Variants in SLC12A2 observed in about 807,000 individuals in gnomAD.
The protein encoded by SLC12A2 is solute carrier family 12 member 2.
Under a neutral mutation model 136.3 loss-of-function variants are expected in SLC12A2, and 67 were observed. The observed-to-expected ratio is 0.49, with a 90% confidence interval of 0.40 to 0.60. The LOEUF (loss-of-function observed/expected upper bound fraction) is 0.60. Ranked by LOEUF, SLC12A2 falls within the 20% of genes least tolerant of loss-of-function variation. The pLI, the probability that SLC12A2 is intolerant of heterozygous loss-of-function variation, is 0.00. For synonymous variants in SLC12A2, 619 were observed against 562.9 expected, an observed-to-expected ratio of 1.10 and a Z score of -1.41; for missense variants, 1,322 against 1,534.7, an observed-to-expected ratio of 0.86 and a Z score of 2.32.
At chr5:128,157,510 AGTG>A (rs1228757786) in intron 15 of SLC12A2, among the ~76,000 whole-genome samples, 2 of 152,174 alleles carry the variant, frequency 1.3e-5, no homozygotes, top group Non-Finnish European at 2.9e-5. Context: ...GATATCATGA[AGTG>A]GTAATAATTA....
intron 1 of SLC12A2, chr5:128,110,228 A>C: frequency 1.2e-6 from 1 of 806,196 alleles, no homozygotes; most frequent in South Asian, 1.3e-5. Context: ...AAAGAAATCC[A>C]ATTCAAACAT....
intron 20 of SLC12A2, 67 bp downstream of exon 20, chr5:128,174,733 T>C: frequency 8.3e-7 from 1 of 1,200,646 alleles, no homozygotes; most frequent in East Asian, 2.7e-5. Context: ...ATATTTTTAA[T>C]TATATAATAT....
chr5:128,094,111 A>G (rs552577581), intron 1 of SLC12A2, among the ~76,000 whole-genome samples: 18 of 151,574 alleles, frequency 1.2e-4, no homozygotes, highest in Admixed American at 9.2e-4. Flanking sequence ...TTTTCCCTTA[A>G]TGGCTTTAGT....
chr5:128,183,232 A>G (rs1763763387), intron 24 of SLC12A2, among the ~76,000 whole-genome samples: 2 of 152,050 alleles, frequency 1.3e-5, no homozygotes, highest in Non-Finnish European at 2.9e-5. Context: ...TCCCTGCTCT[A>G]CATACCTATT....
chr5:128,139,993 T>C (rs1216536911), intron 9 of SLC12A2, among the ~76,000 whole-genome samples: 7 of 151,990 alleles, frequency 4.6e-5, no homozygotes, highest in Non-Finnish European at 1.0e-4. Flanking sequence ...GCTTGTTTGT[T>C]TTTGTTTTTG....
chr5:128,162,352 G>A (rs1255146266), intron 17 of SLC12A2, among the ~76,000 whole-genome samples: 2 of 151,866 alleles, frequency 1.3e-5, no homozygotes, highest in Non-Finnish European at 2.9e-5. Context: ...TGACAAAGGT[G>A]CTATTGAAAG....
chr5:128,087,989 A>C (rs1022093332), intron 1 of SLC12A2, among the ~76,000 whole-genome samples: 1 of 119,888 alleles, frequency 8.3e-6, no homozygotes, highest in Non-Finnish European at 1.9e-5. Context: ...ACTTATTCCA[A>C]GAGTCGTGGA....
chr5:128,136,459 GT>G (rs1762196648), intron 7 of SLC12A2, among the ~76,000 whole-genome samples: 1 of 152,032 alleles, frequency 6.6e-6, no homozygotes, highest in African/African-American at 2.4e-5. Flanking sequence ...TTTCTTTGCA[GT>G]TAGTAAGTGA....
intron 17 of SLC12A2, among the ~76,000 whole-genome samples, chr5:128,162,735 CTAAA>C (rs1763080035): frequency 6.6e-6 from 1 of 151,982 alleles, no homozygotes; most frequent in Admixed American, 6.6e-5. Flanking sequence ...GAGAGGAAAA[CTAAA>C]TGACAGAAAT....
chr5:128,120,819 C>G (rs945288192), intron 4 of SLC12A2, among the ~76,000 whole-genome samples: 15 of 151,968 alleles, frequency 9.9e-5, no homozygotes, highest in African/African-American at 3.6e-4. Flanking sequence ...TGTAACATAC[C>G]TGCACATTGT....
rs1242203035 is a variant in SLC12A2, at chr5:128,158,098, T to C, written c.2409T>C (p.Ala803=). The C allele has an allele frequency of 2.5e-6, 4 of 1,613,770 alleles. No individual in the cohort carries two copies. The highest frequency in any genetic ancestry group is 3.4e-6 in the Non-Finnish European group (4 of 1,179,804). The change falls in exon 16 of 27, where the codon GCT becomes GCC. Residue 803 remains alanine (A), a synonymous_variant. Transcript: ENST00000262461. ...VMTGAPNSRP[A]LLHLVHDFTK... is the part of the protein sequence containing the mutation. The stretch of plus-strand genomic sequence containing the variant: ...CAGGTGCTCCAAACTCACGTCCAGC[T>C]TTACTTCATCTTGTTCATGATTTCA...
At chr5:128,160,246 G>A (rs1388471650) in intron 16 of SLC12A2, among the ~76,000 whole-genome samples, 1 of 152,044 alleles carries the variant, frequency 6.6e-6, no homozygotes, top group African/African-American at 2.4e-5. Flanking sequence ...TGGGAGGTGG[G>A]GGGGCTCGGG....
chr5:128,136,513 C>T (rs1388322184), intron 7 of SLC12A2, among the ~76,000 whole-genome samples: 1 of 152,110 alleles, frequency 6.6e-6, no homozygotes, highest in African/African-American at 2.4e-5. Flanking sequence ...CCCTGTCAAA[C>T]TTCTACCAAA....
At chr5:128,117,321 GATGAAAATAT>G (rs1370719948) in intron 4 of SLC12A2, among the ~76,000 whole-genome samples, 4 of 152,092 alleles carry the variant, frequency 2.6e-5, no homozygotes, top group Admixed American at 2.0e-4. Context: ...AACTGATTTG[GATGAAAATAT>G]ATGAAAATAT....
At chr5:128,092,968 C>G (rs1361271277) in intron 1 of SLC12A2, among the ~76,000 whole-genome samples, 3 of 152,142 alleles carry the variant, frequency 2.0e-5, no homozygotes, top group Non-Finnish European at 4.4e-5. Flanking sequence ...CAAGCTCTTT[C>G]CTTCCTTCCT....
At chr5:128,129,704 T>C (rs1761945296) in intron 4 of SLC12A2, among the ~76,000 whole-genome samples, 1 of 152,180 alleles carries the variant, frequency 6.6e-6, no homozygotes, top group South Asian at 2.1e-4. Flanking sequence ...TTCAGCTGTT[T>C]AATGACATTT....
At position 128,150,057 on chromosome 5, in the gene SLC12A2, T is replaced by G. The variant is rs1433516413; in HGVS notation, c.2066T>G (p.Ile689Ser). ...TTCTTCCTTGCATCATATGCATTGA[T>G]CAATTTTTCAGTATTCCATGCATCA... ...SNFFLASYAL[I>S]NFSVFHASLA... Residue 689 changes from isoleucine (I) to serine (S), a missense_variant, in exon 13 of 27, where the codon ATC becomes AGC. Physicochemically the swap from Ile to Ser is moderately radical, Grantham distance 142 (BLOSUM62 -2). Coordinates refer to ENST00000262461, the MANE Select transcript of SLC12A2 (RefSeq NM_001046.3). 6.2e-7 allele frequency: 1 copy of G among 1,610,430 alleles called. No individual in the cohort carries two copies. The highest frequency in any genetic ancestry group is 8.5e-7 in the Non-Finnish European group (1 of 1,178,198).
chr5:128,147,695 T>G lies in SLC12A2; in HGVS notation c.1847T>G (p.Leu616Ter). The change falls in exon 11 of 27, where the codon TTA (leucine) becomes TGA (stop). Residue 616 changes from leucine (L) to a stop codon, truncating the protein, a stop_gained. Coordinates refer to ENST00000262461, the MANE Select transcript of SLC12A2 (RefSeq NM_001046.3). LOFTEE classifies it high-confidence loss of function. The part of the protein sequence containing the change: ...GIFSATLSSA[L>*]ASLVSAPKIF... ...TTTTCAGCCACTCTTTCTTCAGCAT[T>G]AGCATCCCTAGTGAGTGCTCCCAAA... The G allele has an allele frequency of 6.2e-7, 1 of 1,610,058 alleles. No homozygotes were observed. Among genetic ancestry groups the G allele is most frequent in the Non-Finnish European group, 8.5e-7 (1 of 1,177,018 alleles).
intron 1 of SLC12A2, among the ~76,000 whole-genome samples, chr5:128,111,782 G>A (rs1031170626): frequency 0.01 from 1,515 of 144,826 alleles, 30 homozygotes; most frequent in African/African-American, 0.039. Flanking sequence ...AAAAAAAAAA[G>A]TGTACGCATA....
Sources: gnomAD v4.1 joint callset for allele counts (sites outside exome capture counted in the v4.1 genomes callset) on GRCh38, gnomAD v4.1.1 for gene constraint, MANE v1.5 for transcripts, NCBI Gene and HGNC (gene_info 2026-07-23, HGNC 2026-07-21) for gene names.